Variants in SLC24A4 observed in about 807,000 individuals in gnomAD.
SLC24A4 encodes the protein sodium/potassium/calcium exchanger 4.
A neutral mutation model predicts 79.0 loss-of-function variants in SLC24A4; 53 were observed. The ratio of observed to expected loss-of-function variants is 0.67; its 90% CI spans 0.54 to 0.84. The LOEUF is 0.84. Ranked by LOEUF, SLC24A4 falls within the 40% of genes least tolerant of loss-of-function variation. The pLI is 0.00. For missense variants in SLC24A4, 731 were observed against 822.0 expected, an observed-to-expected ratio of 0.89 and a Z score of 1.35; for synonymous variants, 323 against 323.8, an observed-to-expected ratio of 1.00 and a Z score of 0.03.
At chr14:92,330,720 G>A (rs1566689370) in intron 2 of SLC24A4, among the ~76,000 whole-genome samples, 1 of 152,204 alleles carries the variant, frequency 6.6e-6, no homozygotes, top group East Asian at 1.9e-4. Flanking sequence ...TTCTTGCTGT[G>A]TGCTCAGAGT....
At chr14:92,325,666 A>G (rs1885085637) in intron 1 of SLC24A4, among the ~76,000 whole-genome samples, 1 of 152,202 alleles carries the variant, frequency 6.6e-6, no homozygotes, top group African/African-American at 2.4e-5. Context: ...CTGGGACTGG[A>G]AACAGTGAAC....
intron 2 of SLC24A4, among the ~76,000 whole-genome samples, chr14:92,431,777 G>A (rs12432774): frequency 0.17 from 25,453 of 152,180 alleles, 3,053 homozygotes; most frequent in African/African-American, 0.35. Context: ...TTGCCACTGA[G>A]GAGACAGAGG....
At chr14:92,484,579 A>C in intron 13 of SLC24A4, 1 of 985,406 alleles carries the variant, frequency 1.0e-6, no homozygotes, top group Non-Finnish European at 1.2e-6. Flanking sequence ...CATGTAACTC[A>C]GGAGAGGCAG....
At chr14:92,465,058 C>T (rs1894028354) in intron 12 of SLC24A4, among the ~76,000 whole-genome samples, 1 of 152,154 alleles carries the variant, frequency 6.6e-6, no homozygotes, top group African/African-American at 2.4e-5. Context: ...TTATGGTATC[C>T]CCATTTCCCA....
chr14:92,477,954 G>C (rs1595350642), intron 12 of SLC24A4, among the ~76,000 whole-genome samples: 1 of 151,152 alleles, frequency 6.6e-6, no homozygotes, highest in East Asian at 2.0e-4. Context: ...TTACAGGCAT[G>C]CACCACCACA....
At chr14:92,379,101 G>A (rs954780387) in intron 2 of SLC24A4, among the ~76,000 whole-genome samples, 2 of 152,158 alleles carry the variant, frequency 1.3e-5, no homozygotes, top group East Asian at 1.9e-4. Context: ...TAGATAGATA[G>A]CAAAATGATA....
chr14:92,479,022 A>T (rs2139914034), intron 12 of SLC24A4, among the ~76,000 whole-genome samples: 1 of 152,314 alleles, frequency 6.6e-6, no homozygotes, highest in African/African-American at 2.4e-5. Flanking sequence ...AACACAACTG[A>T]ATTTTGTAAA....
intron 2 of SLC24A4, among the ~76,000 whole-genome samples, chr14:92,357,722 A>G (rs1418716940): frequency 6.6e-6 from 1 of 152,166 alleles, no homozygotes; most frequent in African/African-American, 2.4e-5. Context: ...ATGGGCACAG[A>G]GTTTCGGTTT....
intron 3 of SLC24A4, 81 bp from the exon 4 acceptor site, chr14:92,439,254 C>G: frequency 8.2e-7 from 1 of 1,215,722 alleles, no homozygotes; most frequent in Non-Finnish European, 1.2e-6. Context: ...GCCCTGGCAG[C>G]CTGGTTTGGG....
chr14:92,411,825 C>A (rs150102726), intron 2 of SLC24A4, among the ~76,000 whole-genome samples: 3 of 152,288 alleles, frequency 2.0e-5, no homozygotes, highest in African/African-American at 7.2e-5. Flanking sequence ...GTCAAATAAT[C>A]TTCTAAGGTA....
chr14:92,399,855 G>A (rs1214891516), intron 2 of SLC24A4, among the ~76,000 whole-genome samples: 1 of 152,092 alleles, frequency 6.6e-6, no homozygotes, highest in Non-Finnish European at 1.5e-5. Context: ...AGCATTGGAG[G>A]GTGGGGTTAG....
At chr14:92,421,780 T>C (rs1891295735) in intron 2 of SLC24A4, among the ~76,000 whole-genome samples, 1 of 152,138 alleles carries the variant, frequency 6.6e-6, no homozygotes, top group African/African-American at 2.4e-5. Flanking sequence ...GTGGTAGAAT[T>C]ACAGACATGA....
At chr14:92,460,968 A>G (rs1893765864) in intron 12 of SLC24A4, among the ~76,000 whole-genome samples, 1 of 152,208 alleles carries the variant, frequency 6.6e-6, no homozygotes, top group South Asian at 2.1e-4. Context: ...GAGGCTGGTA[A>G]TTAGGCCTCC....
At chr14:92,334,819 A>G (rs1213087491) in intron 2 of SLC24A4, among the ~76,000 whole-genome samples, 1 of 152,074 alleles carries the variant, frequency 6.6e-6, no homozygotes, top group Non-Finnish European at 1.5e-5. Flanking sequence ...GTGTGACACC[A>G]CATGCTGTAT....
intron 2 of SLC24A4, among the ~76,000 whole-genome samples, chr14:92,343,653 TTTCCTTCCTTCCTTCCTTCC>T (rs34220155): frequency 1.2e-4 from 4 of 34,254 alleles, no homozygotes; most frequent in African/African-American, 2.9e-4. Context: ...TCTTTCCTTC[TTTCCTTCCTTCCTTCCTTCC>T]TTCCTTCCTT....
intron 2 of SLC24A4, among the ~76,000 whole-genome samples, chr14:92,332,009 T>C (rs1343093692): frequency 6.6e-6 from 1 of 152,206 alleles, no homozygotes; most frequent in East Asian, 1.9e-4. Flanking sequence ...CCAGGTGTGG[T>C]GGCTCACGCT....
intron 13 of SLC24A4, chr14:92,483,821 A>G: frequency 1.8e-5 from 23 of 1,289,964 alleles, no homozygotes; most frequent in Non-Finnish European, 2.3e-5. Context: ...GTTAACATCG[A>G]GTCCCTTTAT....
chr14:92,358,587 C>A (rs1887313394), intron 2 of SLC24A4, among the ~76,000 whole-genome samples: 1 of 151,944 alleles, frequency 6.6e-6, no homozygotes, highest in African/African-American at 2.4e-5. Flanking sequence ...TTAACATGAT[C>A]ATTGAGGAAC....
chr14:92,384,736 A>G (rs955138333), intron 2 of SLC24A4, among the ~76,000 whole-genome samples: 1 of 152,180 alleles, frequency 6.6e-6, no homozygotes, highest in African/African-American at 2.4e-5. Flanking sequence ...AAGGGTTACT[A>G]AGTGACCTAC....
Sources: allele counts gnomAD v4.1 joint callset (sites outside exome capture counted in the v4.1 genomes callset), GRCh38; gene constraint gnomAD v4.1.1; transcripts MANE v1.5; gene names NCBI Gene and HGNC (gene_info 2026-07-23, HGNC 2026-07-21).